The following FAM193A variants were observed in gnomAD, a reference collection of about 807,000 sequenced individuals.
FAM193A encodes the protein protein FAM193A.
A neutral mutation model predicts 126.5 loss-of-function variants in FAM193A; 22 were observed. The ratio of observed to expected loss-of-function variants is 0.17; its 90% CI spans 0.12 to 0.25. The LOEUF is 0.25. Among genes scored for constraint, FAM193A ranks in the 10% least tolerant of loss-of-function variants. FAM193A has a pLI of 1.00. For missense variants in FAM193A, 1,675 were observed against 1,672.8 expected (o/e 1.00, Z -0.02); for synonymous variants, 761 against 646.8 (o/e 1.18, Z -2.68).
intron 20 of FAM193A, among the ~76,000 whole-genome samples, chr4:2,716,703 A>C (rs749961739): frequency 1.3e-5 from 2 of 152,146 alleles, no homozygotes; most frequent in African/African-American, 4.8e-5. Context: ...TTAAGAGGGA[A>C]TCTCACTCTA....
intron 20 of FAM193A, among the ~76,000 whole-genome samples, chr4:2,730,625 G>C (rs1273190949): frequency 1.3e-5 from 2 of 151,908 alleles, no homozygotes; most frequent in Non-Finnish European, 2.9e-5. Flanking sequence ...GGGAGGCGAA[G>C]GTTGCAGTGA....
At chr4:2,635,002 G>C (rs1337480010) in intron 5 of FAM193A, among the ~76,000 whole-genome samples, 1 of 152,050 alleles carries the variant, frequency 6.6e-6, no homozygotes, top group Non-Finnish European at 1.5e-5. Context: ...CAGTATTTTA[G>C]TATGGGTCCC....
chr4:2,696,648 G>A, intron 18 of FAM193A, 55 bp downstream of exon 18: 1 of 1,358,454 alleles, frequency 7.4e-7, no homozygotes, highest in South Asian at 1.2e-5. Context: ...ATTTGAAGGT[G>A]CCGTGCCACG....
rs1481644414 is a variant in FAM193A at position 2,731,796 on chromosome 4, A to C, written c.4476A>C (p.Arg1492Ser). The C allele has an allele frequency of 6.2e-7, 1 of 1,614,084 alleles. No homozygotes were observed. Among genetic ancestry groups the C allele is most frequent in the South Asian group, 1.1e-5 (1 of 91,078 alleles). Residue 1492 changes from arginine to serine, a missense_variant, in exon 21 of 21, where the codon AGA (arginine) becomes AGC (serine). Arg to Ser is a moderately radical substitution (Grantham distance 110). Around this residue, in one of 4 missense-constraint regions of FAM193A, gnomAD observed 20 missense variants for 52.2 expected, o/e 0.38. Coordinates refer to ENST00000637812, the MANE Select transcript of FAM193A (RefSeq NM_001366318.2). ...YFKRFCLDSA[R>S]QTRQRLSINW... ...GCAGGTTCTGCTTGGATTCTGCTAG[A>C]CAGACCCGACAAAGACTGTCTATCA...
intron 19 of FAM193A, among the ~76,000 whole-genome samples, chr4:2,710,161 GTTTTTTTTTTTTTTT>G (rs1718761425): frequency 1.1e-5 from 1 of 91,822 alleles, no homozygotes; most frequent in African/African-American, 4.0e-5. Context: ...TTCTTCTTTT[GTTTTTTTTTTTTTTT>G]CTTTTTTTTT....
chr4:2,723,459 C>T (rs1476854778), intron 20 of FAM193A, among the ~76,000 whole-genome samples: 3 of 150,068 alleles, frequency 2.0e-5, no homozygotes, highest in African/African-American at 7.4e-5. Flanking sequence ...CCTGTAATCC[C>T]AGCTGCTCGG....
At chr4:2,570,011 G>A (rs1739195864) in intron 1 of FAM193A, among the ~76,000 whole-genome samples, 1 of 149,994 alleles carries the variant, frequency 6.7e-6, no homozygotes, top group Non-Finnish European at 1.5e-5. Context: ...CACTGTTAGG[G>A]TCAGATGCTG....
At chr4:2,662,783 C>T in intron 10 of FAM193A, 55 bp from the exon 11 acceptor site, 1 of 1,434,028 alleles carries the variant, frequency 7.0e-7, no homozygotes, top group Middle Eastern at 1.8e-4. Context: ...GGCTGGTTTA[C>T]TCATTGTCTT....
chr4:2,657,842 T>G lies in FAM193A; in HGVS notation c.1351T>G (p.Trp451Gly). 1 of 1,612,954 alleles carries G rather than the reference T, an allele frequency of 6.2e-7. No homozygotes were observed. The highest frequency in any genetic ancestry group is 8.5e-7 in the Non-Finnish European group (1 of 1,179,558). The change falls in exon 8 of 21, where the codon TGG becomes GGG. Residue 451 changes from tryptophan (W) to glycine (G), a missense_variant. Trp to Gly is a radical substitution (Grantham distance 184, BLOSUM62 -2). Coordinates refer to ENST00000637812, the MANE Select transcript of FAM193A (RefSeq NM_001366318.2). ...CAAGCAGCGCATGTTAACAGAAGAC[T>G]GGGAGCTTTTTAAACAAAGAAGATT... Reference protein sequence around the residue: ...KTKQRMLTEDWELFKQRRFIE... With the variant: ...KTKQRMLTEDGELFKQRRFIE...
intron 20 of FAM193A, among the ~76,000 whole-genome samples, chr4:2,722,966 A>G (rs1223578923): frequency 1.3e-5 from 2 of 152,112 alleles, no homozygotes; most frequent in Admixed American, 1.3e-4. Flanking sequence ...CCAGTGTTTC[A>G]ATTTTGCTTA....
chr4:2,713,465 A>G (rs1286637063), intron 19 of FAM193A, among the ~76,000 whole-genome samples: 1 of 152,154 alleles, frequency 6.6e-6, no homozygotes, highest in Non-Finnish European at 1.5e-5. Flanking sequence ...GTGCATTCCT[A>G]TAGACTTGCA....
At chr4:2,540,641 C>G (rs768848681) in intron 1 of FAM193A, among the ~76,000 whole-genome samples, 1 of 152,020 alleles carries the variant, frequency 6.6e-6, no homozygotes, top group Non-Finnish European at 1.5e-5. Context: ...GAGTGAGACT[C>G]CGTCTCAAAA....
intron 19 of FAM193A, among the ~76,000 whole-genome samples, chr4:2,709,694 G>C (rs1042893513): frequency 6.6e-6 from 1 of 151,872 alleles, no homozygotes; most frequent in African/African-American, 2.4e-5. Flanking sequence ...GGGACAGAGA[G>C]ACTCCACCTC....
At chr4:2,575,733 T>TG in intron 1 of FAM193A, among the ~76,000 whole-genome samples, 1 of 151,912 alleles carries the variant, frequency 6.6e-6, no homozygotes, top group South Asian at 2.1e-4. Context: ...TCCCAAAGTG[T>TG]GGGATTACAG....
chr4:2,646,493 C>T (rs35834347), intron 6 of FAM193A, among the ~76,000 whole-genome samples, 192 bp from the exon 7 acceptor site: 10,090 of 152,176 alleles, frequency 0.066, 574 homozygotes, highest in African/African-American at 0.15. Context: ...TTTTACAAGT[C>T]TGTCCTGGGT....
Position 2,611,279 on chromosome 4 carries a change from AT to A in FAM193A, c.502-13980del, listed in dbSNP as rs576656504. ...GCATTTTCTATTTATTTATTTATTTATTTATTTGAGACAGAGTCTCACTGTG... is the reference window on the plus strand; with the variant it reads ...GCATTTTCTATTTATTTATTTATTTATTATTTGAGACAGAGTCTCACTGTG... On this transcript the variant is annotated intron_variant, in intron 2 of 20. Transcript: ENST00000637812. 2.9e-3 allele frequency among the ~76,000 whole-genome samples: 431 copies of A among 150,702 alleles called. 1 individual carries two copies. Among genetic ancestry groups the A allele is most frequent in the African/African-American group, 7.9e-3 (325 of 41,080 alleles).
At chr4:2,590,294 A>T (rs1162289856) in intron 1 of FAM193A, among the ~76,000 whole-genome samples, 1 of 150,910 alleles carries the variant, frequency 6.6e-6, no homozygotes, top group East Asian at 2.0e-4. Flanking sequence ...ACGTGGTGAA[A>T]CCCCGTCTCT....
At position 2,630,986 on chromosome 4, in the gene FAM193A, T is replaced by C. The variant is rs1421382478; in HGVS notation, c.855T>C (p.Ala285=). 2 of 1,613,326 alleles carry C rather than the reference T, an allele frequency of 1.2e-6. No homozygotes were observed. The highest frequency in any genetic ancestry group is 1.7e-6 in the Non-Finnish European group (2 of 1,179,948). Residue 285 remains alanine (A), a synonymous_variant, in exon 5 of 21, where the codon GCT becomes GCC. Coordinates refer to ENST00000637812, the MANE Select transcript of FAM193A (RefSeq NM_001366318.2). ...YQLYQRLEQQ[A]REYVLEMKVR... ...TGTACCAGCGTCTGGAACAGCAAGC[T>C]CGAGAGTATGTGCTGGAGATGAAGG...
At chr4:2,646,582 G>A in intron 6 of FAM193A, 103 bp from the exon 7 acceptor site, 1 of 1,248,602 alleles carries the variant, frequency 8.0e-7, no homozygotes, top group Non-Finnish European at 1.1e-6. Context: ...ACGTTGGGAG[G>A]CGAGATGACA....
Sources: gnomAD v4.1 joint callset for allele counts (sites outside exome capture counted in the v4.1 genomes callset) on GRCh38, gnomAD v4.1.1 for gene constraint, gnomAD v4.1.1 regional missense constraint, MANE v1.5 for transcripts, NCBI Gene and HGNC (gene_info 2026-07-23, HGNC 2026-07-21) for gene names.